ATP8A2: variants seen among roughly 807,000 people sequenced by gnomAD.
ATP8A2 encodes the protein ATPase phospholipid transporting 8A2.
ATP8A2 carries 100 observed loss-of-function variants against 165.6 expected under a neutral mutation model. The ratio of observed to expected loss-of-function variants is 0.60; its 90% CI spans 0.51 to 0.71. The LOEUF (loss-of-function observed/expected upper bound fraction) is 0.71, where lower values mean the gene tolerates loss of function less well. Among genes scored for constraint, ATP8A2 ranks in the 30% least tolerant of loss-of-function variants. ATP8A2 has a pLI of 0.00. For missense variants in ATP8A2, 1,227 were observed against 1,479.5 expected (o/e 0.83, Z 2.80); for synonymous variants, 543 against 548.8 (o/e 0.99, Z 0.15).
intron 1 of ATP8A2, among the ~76,000 whole-genome samples, chr13:25,430,197 C>T (rs1487335412): frequency 6.6e-6 from 1 of 152,072 alleles, no homozygotes; most frequent in Admixed American, 6.6e-5. Flanking sequence ...GAGGTCCAGG[C>T]CCCAGCCTAC....
At chr13:25,585,382 G>C (rs756514342) in intron 23 of ATP8A2, among the ~76,000 whole-genome samples, 1 of 151,980 alleles carries the variant, frequency 6.6e-6, no homozygotes, top group Non-Finnish European at 1.5e-5. Flanking sequence ...TGGAGTTTTC[G>C]CAGTCTGTAA....
chr13:25,376,677 C>T (rs774606189), intron 1 of ATP8A2, among the ~76,000 whole-genome samples: 1 of 152,196 alleles, frequency 6.6e-6, no homozygotes, highest in East Asian at 1.9e-4. Context: ...AGATTTCTCC[C>T]ATGCTGCCCA....
At chr13:25,509,384 A>G (rs887804064) in intron 2 of ATP8A2, among the ~76,000 whole-genome samples, 20 of 152,164 alleles carry the variant, frequency 1.3e-4, no homozygotes, top group Middle Eastern at 6.3e-3. Flanking sequence ...TTGCTAGAGG[A>G]AAAATGAATT....
intron 36 of ATP8A2, among the ~76,000 whole-genome samples, chr13:26,013,241 GC>G (rs1482891576): frequency 6.6e-6 from 1 of 152,096 alleles, no homozygotes; most frequent in East Asian, 1.9e-4. Flanking sequence ...GGCCAACCCA[GC>G]CCTGCCTCTC....
intron 27 of ATP8A2, among the ~76,000 whole-genome samples, chr13:25,807,227 A>T (rs1442415970): frequency 6.8e-6 from 1 of 147,894 alleles, no homozygotes; most frequent in Non-Finnish European, 1.5e-5. Flanking sequence ...TTTGTCCCTT[A>T]TGCTTTTGGT....
At chr13:25,449,986 C>A (rs1437515510) in intron 1 of ATP8A2, among the ~76,000 whole-genome samples, 1 of 152,126 alleles carries the variant, frequency 6.6e-6, no homozygotes, top group African/African-American at 2.4e-5. Context: ...TCCCACCCTC[C>A]ACCCTCCTAA....
intron 27 of ATP8A2, among the ~76,000 whole-genome samples, chr13:25,783,131 CTG>C (rs1450780196): frequency 6.6e-6 from 1 of 151,918 alleles, no homozygotes; most frequent in African/African-American, 2.4e-5. Flanking sequence ...TTGTTTGAAT[CTG>C]TGGAGACGGA....
chr13:25,753,336 C>A (rs777206172), intron 25 of ATP8A2, among the ~76,000 whole-genome samples: 2 of 152,188 alleles, frequency 1.3e-5, no homozygotes, highest in Non-Finnish European at 2.9e-5. Context: ...TATTTCCAGC[C>A]CCCAGCTCAG....
chr13:25,845,528 T>C (rs1337702501), intron 30 of ATP8A2, among the ~76,000 whole-genome samples: 2 of 152,190 alleles, frequency 1.3e-5, no homozygotes, highest in Non-Finnish European at 2.9e-5. Context: ...CCATACGGAT[T>C]CTTATGTATG....
intron 27 of ATP8A2, among the ~76,000 whole-genome samples, chr13:25,779,002 G>C (rs998803892): frequency 6.6e-6 from 1 of 152,092 alleles, no homozygotes; most frequent in Non-Finnish European, 1.5e-5. Flanking sequence ...GGTGGTGATG[G>C]TTGCACAAGG....
chr13:25,844,697 G>A (rs1301956823), intron 30 of ATP8A2, among the ~76,000 whole-genome samples: 1 of 152,128 alleles, frequency 6.6e-6, no homozygotes, highest in Non-Finnish European at 1.5e-5. Context: ...AGAGCTGCCT[G>A]AAGCCATCCC....
In ATP8A2 at chr13:25,753,286, T is replaced by G. The variant is rs142880862; in HGVS notation, c.2385-15760T>G. On this transcript the variant is annotated intron_variant, in intron 25 of 36. Transcript: ENST00000381655. The stretch of plus-strand genomic sequence containing the variant: ...CAGGGTGTGGTTCCACAGCTGCCCT[T>G]TGGCTCGACCCACAATCCTTTATAC... Among the ~76,000 whole-genome samples the G allele has an allele frequency of 9.0e-3, 1,369 of 152,300 alleles. 30 individuals carry two copies. Among genetic ancestry groups the G allele is most frequent in the African/African-American group, 0.031 (1,308 of 41,560 alleles).
intron 1 of ATP8A2, among the ~76,000 whole-genome samples, chr13:25,466,298 G>A (rs2035666778): frequency 6.6e-6 from 1 of 152,000 alleles, no homozygotes; most frequent in African/African-American, 2.4e-5. Flanking sequence ...GTCTGCTTGG[G>A]CCTTTGCTTA....
intron 1 of ATP8A2, among the ~76,000 whole-genome samples, chr13:25,389,983 C>CTTTTG (rs59233777): frequency 0.021 from 3,164 of 151,128 alleles, 85 homozygotes; most frequent in African/African-American, 0.066. Context: ...AATTTTTTGC[C>CTTTTG]TTTTGTTTTG....
chr13:25,583,754 C>T (rs2138255823), intron 23 of ATP8A2, among the ~76,000 whole-genome samples: 1 of 152,346 alleles, frequency 6.6e-6, no homozygotes, highest in South Asian at 2.1e-4. Flanking sequence ...TGTGATGAGG[C>T]TGCTCTGAGC....
At chr13:25,426,946 G>C (rs2034465908) in intron 1 of ATP8A2, among the ~76,000 whole-genome samples, 1 of 151,934 alleles carries the variant, frequency 6.6e-6, no homozygotes, top group Non-Finnish European at 1.5e-5. Context: ...ACTCCCTCTA[G>C]GAAAATAATA....
intron 28 of ATP8A2, among the ~76,000 whole-genome samples, chr13:25,832,991 A>G (rs1051180744): frequency 1.4e-4 from 21 of 152,176 alleles, no homozygotes; most frequent in Admixed American, 3.9e-4. Context: ...CTCGAATTAT[A>G]AGAGAATTTG....
intron 33 of ATP8A2, among the ~76,000 whole-genome samples, chr13:25,954,628 C>T (rs900104440): frequency 3.3e-5 from 5 of 152,162 alleles, no homozygotes; most frequent in African/African-American, 1.2e-4. Flanking sequence ...TGGCATCTGG[C>T]GGGTGCCCCT....
At chr13:25,566,816 A>T (rs1415841992) in intron 16 of ATP8A2, among the ~76,000 whole-genome samples, 4 of 152,234 alleles carry the variant, frequency 2.6e-5, no homozygotes, top group African/African-American at 7.2e-5. Context: ...CGAATAAAAA[A>T]CACTCAAAGG....
Sources: gnomAD v4.1 joint callset for allele counts (sites outside exome capture counted in the v4.1 genomes callset) on GRCh38, gnomAD v4.1.1 for gene constraint, MANE v1.5 for transcripts, NCBI Gene and HGNC (gene_info 2026-07-23, HGNC 2026-07-21) for gene names.